Variants in FUT8 observed in about 807,000 individuals in gnomAD.
FUT8 encodes fucosyltransferase 8, also known as alpha-(1,6)-fucosyltransferase.
In FUT8, 29 loss-of-function variants were observed where a neutral mutation model predicts 71.3. The ratio of observed to expected loss-of-function variants is 0.41; its 90% CI spans 0.30 to 0.55. FUT8 has a LOEUF of 0.55. FUT8 is among the 20% of genes least tolerant of loss of function. FUT8 has a pLI of 0.34. For missense variants in FUT8, 544 were observed against 702.1 expected (o/e 0.77, Z 2.55); for synonymous variants, 254 against 239.3 (o/e 1.06, Z -0.57).
At chr14:65,527,924 G>A (rs1883611572) in intron 2 of FUT8, among the ~76,000 whole-genome samples, 1 of 152,164 alleles carries the variant, frequency 6.6e-6, no homozygotes, top group Non-Finnish European at 1.5e-5. Context: ...CATCTCAGAG[G>A]GGTACACGGC....
At chr14:65,611,447 C>G (rs935342847) in intron 3 of FUT8, among the ~76,000 whole-genome samples, 2 of 150,760 alleles carry the variant, frequency 1.3e-5, no homozygotes, top group Admixed American at 6.6e-5. Context: ...ATCTATTTTT[C>G]TTTTTCTCCA....
In FUT8 at chr14:65,667,471, G is replaced by A. The variant is rs117448144; in HGVS notation, c.598-1772G>A. On this transcript the variant is annotated intron_variant, in intron 6 of 10. Transcript: ENST00000673929. ...CCTAAGAATACTGCTAACTAGGGAG[G>A]TGCAAGATCTCTACAAGGGGAATTA... Among the ~76,000 whole-genome samples the A allele has an allele frequency of 5.8e-3, 878 of 152,202 alleles. 31 individuals are homozygous for A. The East Asian group carries it at 0.093, about 16-fold the overall frequency.
the FUT8 span, among the ~76,000 whole-genome samples, chr14:65,400,375 A>G: frequency 2.0e-5 from 3 of 152,220 alleles, no homozygotes; most frequent in African/African-American, 7.2e-5. Flanking sequence ...GCTATACCTC[A>G]TATGGGTGTG....
chr14:65,740,733 C>A (rs910912412), intron 10 of FUT8, among the ~76,000 whole-genome samples: 5 of 152,064 alleles, frequency 3.3e-5, no homozygotes, highest in African/African-American at 1.2e-4. Flanking sequence ...ACTGTGACCA[C>A]AGCATCAAGG....
chr14:65,518,282 A>G (rs1213029061), intron 2 of FUT8, among the ~76,000 whole-genome samples: 3 of 152,178 alleles, frequency 2.0e-5, no homozygotes, highest in Non-Finnish European at 4.4e-5. Flanking sequence ...ACTTTAAAAA[A>G]CACAGCTAAG....
At chr14:65,476,970 G>T (rs2066255912) in intron 2 of FUT8, among the ~76,000 whole-genome samples, 1 of 152,084 alleles carries the variant, frequency 6.6e-6, no homozygotes, top group South Asian at 2.1e-4. Context: ...CTGGATGATT[G>T]AATTTTTAGA....
At chr14:65,377,115 C>T in the FUT8 span, among the ~76,000 whole-genome samples, 2 of 152,206 alleles carry the variant, frequency 1.3e-5, no homozygotes, top group East Asian at 1.9e-4. Context: ...TATTGAGATA[C>T]ATTTCATTCA....
intron 6 of FUT8, among the ~76,000 whole-genome samples, chr14:65,664,406 C>T (rs574464194): frequency 6.6e-6 from 1 of 152,258 alleles, no homozygotes; most frequent in South Asian, 2.1e-4. Flanking sequence ...CTTTAGGAGT[C>T]TGCCATGAGT....
At chr14:65,673,631 C>G (rs1035655539) in intron 7 of FUT8, among the ~76,000 whole-genome samples, 4 of 152,174 alleles carry the variant, frequency 2.6e-5, no homozygotes, top group Admixed American at 2.0e-4. Flanking sequence ...CATGGAGTCA[C>G]TGGGGGAACT....
chr14:65,719,014 C>T (rs145230377), intron 7 of FUT8, among the ~76,000 whole-genome samples: 85 of 152,234 alleles, frequency 5.6e-4, no homozygotes, highest in African/African-American at 1.8e-3. Context: ...GTCTAGAATT[C>T]GGATGTTCTC....
intron 7 of FUT8, among the ~76,000 whole-genome samples, chr14:65,704,332 G>T (rs1367754129): frequency 8.5e-6 from 1 of 117,444 alleles, no homozygotes; most frequent in African/African-American, 2.5e-5. Flanking sequence ...CTTAAGAGTG[G>T]AATTGTGATT....
At position 65,634,140 on chromosome 14, in the gene FUT8, A is replaced by G. The variant is rs957423499; in HGVS notation, c.597+4534A>G. Among the ~76,000 whole-genome samples the G allele has an allele frequency of 2.7e-3, 413 of 152,202 alleles. 2 individuals carry two copies. The highest frequency in any genetic ancestry group is 3.4e-3 in the Middle Eastern group (1 of 294). ...ATAGAAAGGGGGGAAAGGTGGGGAA[A>G]AGATTGAGAAATCGGATGGTTGCCG... On this transcript the variant is annotated intron_variant, in intron 6 of 10. Coordinates refer to ENST00000673929, the MANE Select transcript of FUT8 (RefSeq NM_001371533.1).
At chr14:65,446,974 ATTG>A (rs2065752033) in intron 1 of FUT8, among the ~76,000 whole-genome samples, 2 of 152,184 alleles carry the variant, frequency 1.3e-5, no homozygotes, top group Admixed American at 1.3e-4. Flanking sequence ...CGACTCTGCT[ATTG>A]TTTCTTTAAA....
chr14:65,486,322 C>T (rs980588196), intron 2 of FUT8, among the ~76,000 whole-genome samples: 2 of 152,098 alleles, frequency 1.3e-5, no homozygotes, highest in African/African-American at 4.8e-5. Flanking sequence ...TCTGATTGAA[C>T]TGATGTGAAG....
chr14:65,732,162 G>A (rs1896013319), intron 9 of FUT8, among the ~76,000 whole-genome samples: 1 of 152,148 alleles, frequency 6.6e-6, no homozygotes, highest in Non-Finnish European at 1.5e-5. Flanking sequence ...GAGGCCAGAT[G>A]GATTTGAACA....
In FUT8 at chr14:65,561,357, C is replaced by T; in HGVS notation, c.-207C>T. The T allele has an allele frequency of 1.7e-6, 1 of 574,866 alleles. No homozygotes were observed. Among genetic ancestry groups the T allele is most frequent in the Non-Finnish European group, 3.1e-6 (1 of 321,760 alleles). The allele number at this position is 574,866 out of a possible 1,614,324, so 35.6% of individuals were successfully genotyped here. On this transcript the variant is annotated 5_prime_UTR_variant, in exon 3 of 11. Transcript: ENST00000673929. ...CACAGCATGTAGAGCGCATGAAGTACAGGACAATAAAGCTTCCTACACATA... is the reference window on the plus strand; with the variant it reads ...CACAGCATGTAGAGCGCATGAAGTATAGGACAATAAAGCTTCCTACACATA...
intron 2 of FUT8, among the ~76,000 whole-genome samples, chr14:65,546,711 G>A (rs993508500): frequency 6.6e-6 from 1 of 151,740 alleles, no homozygotes. Context: ...GAGGTATACG[G>A]TAAGTATATA....
intron 7 of FUT8, among the ~76,000 whole-genome samples, chr14:65,692,495 G>A (rs1463772610): frequency 5.1e-5 from 3 of 58,634 alleles, no homozygotes; most frequent in African/African-American, 1.1e-4. Flanking sequence ...GCGGCTGGCC[G>A]GGCGGGGGGC....
chr14:65,445,448 C>G (rs1033639187), intron 1 of FUT8, among the ~76,000 whole-genome samples: 1 of 151,942 alleles, frequency 6.6e-6, no homozygotes, highest in South Asian at 2.1e-4. Context: ...CAAAATGGAC[C>G]AGGGGTTATG....
Sources: allele counts gnomAD v4.1 joint callset (sites outside exome capture counted in the v4.1 genomes callset), GRCh38; gene constraint gnomAD v4.1.1; transcripts MANE v1.5; gene names NCBI Gene and HGNC (gene_info 2026-07-23, HGNC 2026-07-21).